Variants in ADISSP observed in about 807,000 individuals in gnomAD.
The protein encoded by ADISSP is adipose-secreted signaling protein.
chr20:3,754,013 C>T, the ADISSP span: 28 of 1,420,006 alleles, frequency 2.0e-5, no homozygotes, highest in Admixed American at 8.6e-5. Flanking sequence ...GGGGACAAGG[C>T]GGGGTTTAAG....
At chr20:3,755,440 T>C in the ADISSP span, 26 of 1,599,916 alleles carry the variant, frequency 1.6e-5, no homozygotes, top group African/African-American at 4.0e-5. Flanking sequence ...CCCACACCCA[T>C]CCAGGCCCTG....
At chr20:3,760,030 G>A in the ADISSP span, 65 of 1,610,454 alleles carry the variant, frequency 4.0e-5, no homozygotes, top group East Asian at 4.0e-4. Context: ...CCTCCTACCA[G>A]GGCCCACCGG....
chr20:3,758,527 T>G, the ADISSP span: 1 of 1,608,012 alleles, frequency 6.2e-7, no homozygotes, highest in Non-Finnish European at 8.5e-7. The surrounding 1 kb of genome is among the most constrained non-coding windows in gnomAD (Gnocchi z 5.5). Flanking sequence ...GGGGTAGGTG[T>G]GCATGTACCT....
At chr20:3,761,692 T>C in the ADISSP span, among the ~76,000 whole-genome samples, 2 of 152,172 alleles carry the variant, frequency 1.3e-5, no homozygotes, top group African/African-American at 4.8e-5. Context: ...ATGTGACTTC[T>C]CCCAGTCACA....
At chr20:3,757,649 G>C in the ADISSP span, among the ~76,000 whole-genome samples, 2 of 152,016 alleles carry the variant, frequency 1.3e-5, no homozygotes, top group Admixed American at 6.5e-5. Context: ...TTGTTTGTTT[G>C]AGACAGAGTC....
At chr20:3,757,818 G>A in the ADISSP span, among the ~76,000 whole-genome samples, 7 of 152,080 alleles carry the variant, frequency 4.6e-5, no homozygotes, top group African/African-American at 9.6e-5. Flanking sequence ...TAGTAGAGAC[G>A]GGTTTCGACC....
the ADISSP span, among the ~76,000 whole-genome samples, chr20:3,756,267 C>G: frequency 6.6e-6 from 1 of 152,252 alleles, no homozygotes; most frequent in African/African-American, 2.4e-5. Context: ...GGATGCCTGC[C>G]TGCCCACTCA....
At chr20:3,767,027 C>G in the ADISSP span, among the ~76,000 whole-genome samples, 1 of 152,156 alleles carries the variant, frequency 6.6e-6, no homozygotes, top group African/African-American at 2.4e-5. Flanking sequence ...AGGTGTAGGA[C>G]CCTTTATCCT....
the ADISSP span, among the ~76,000 whole-genome samples, chr20:3,763,026 C>T: frequency 6.6e-5 from 10 of 152,130 alleles, no homozygotes; most frequent in Non-Finnish European, 1.3e-4. Context: ...GAAGCCAAGG[C>T]GGGTAGATCA....
At chr20:3,753,937 G>T in the ADISSP span, 3 of 736,002 alleles carry the variant, frequency 4.1e-6, no homozygotes, top group Non-Finnish European at 7.0e-6. Flanking sequence ...CGTGGGCAAG[G>T]CCACTCCACC....
chr20:3,764,589 C>T, the ADISSP span, among the ~76,000 whole-genome samples: 10 of 152,232 alleles, frequency 6.6e-5, no homozygotes, highest in African/African-American at 2.4e-4. Flanking sequence ...TTTTTGGAAT[C>T]CCCTTTCTCA....
the ADISSP span, among the ~76,000 whole-genome samples, chr20:3,756,784 A>G: frequency 6.6e-6 from 1 of 152,202 alleles, no homozygotes. Context: ...CCTATTTATA[A>G]CAATGAAAAC....
At chr20:3,764,156 A>G in the ADISSP span, among the ~76,000 whole-genome samples, 1 of 152,070 alleles carries the variant, frequency 6.6e-6, no homozygotes, top group Non-Finnish European at 1.5e-5. Context: ...AGCTGCCCCC[A>G]AAGCTGTGAA....
chr20:3,754,029 G>A, the ADISSP span: 92 of 1,556,744 alleles, frequency 5.9e-5, no homozygotes, highest in African/African-American at 1.0e-3. Context: ...TTAAGGCTGA[G>A]GGGCCCGGGG....
the ADISSP span, among the ~76,000 whole-genome samples, chr20:3,766,311 GC>G: frequency 6.6e-6 from 1 of 152,254 alleles, no homozygotes; most frequent in African/African-American, 2.4e-5. Flanking sequence ...GCCTGGAAAG[GC>G]AAGGCTGGAG....
the ADISSP span, among the ~76,000 whole-genome samples, chr20:3,755,258 G>C: frequency 6.6e-6 from 1 of 152,158 alleles, no homozygotes; most frequent in Non-Finnish European, 1.5e-5. Flanking sequence ...CCATGGGCAG[G>C]TACAGGGAAG....
chr20:3,762,958 A>G, the ADISSP span, among the ~76,000 whole-genome samples: 1 of 152,164 alleles, frequency 6.6e-6, no homozygotes, highest in Non-Finnish European at 1.5e-5. Context: ...CCTATCAAAG[A>G]AGACATTTTG....
At chr20:3,755,976 T>C in the ADISSP span, among the ~76,000 whole-genome samples, 13 of 152,196 alleles carry the variant, frequency 8.5e-5, no homozygotes, top group Non-Finnish European at 1.8e-4. Flanking sequence ...ATTCCTGCTA[T>C]GCATGGCACC....
chr20:3,758,749 T>C, the ADISSP span: 1 of 1,489,398 alleles, frequency 6.7e-7, no homozygotes, highest in Non-Finnish European at 9.2e-7. The surrounding 1 kb of genome is among the most constrained non-coding windows in gnomAD (Gnocchi z 5.5). Context: ...TGTCCCCTCG[T>C]CACCCCCAAG....
Sources: gnomAD v4.1 joint callset for allele counts (sites outside exome capture counted in the v4.1 genomes callset) on GRCh38, gnomAD v4.1.1 for gene constraint, Gnocchi (gnomAD v3.1) non-coding constraint, MANE v1.5 for transcripts, NCBI Gene and HGNC (gene_info 2026-07-23, HGNC 2026-07-21) for gene names.